Variants in SLC38A8 observed in about 807,000 individuals in gnomAD.
SLC38A8 encodes the protein solute carrier family 38 member 8, also known as amino acid transporter SLC38A8.
In SLC38A8, 65 loss-of-function variants were observed where a neutral mutation model predicts 46.0. The observed-to-expected ratio is 1.41, with a 90% CI of 1.16 to 1.74. SLC38A8 has a LOEUF of 1.74. Ranked by LOEUF, SLC38A8 falls within the 40% of genes most tolerant of loss-of-function variation. SLC38A8 has a pLI of 0.00. For synonymous variants in SLC38A8, 447 were observed against 243.7 expected (o/e 1.83, Z -7.77); for missense variants, 998 against 567.9 (o/e 1.76, Z -7.70).
At chr16:84,025,881 T>A (rs78382568) in intron 6 of SLC38A8, among the ~76,000 whole-genome samples, 18,627 of 152,250 alleles carry the variant, frequency 0.12, 1,234 homozygotes, top group East Asian at 0.19. Context: ...AGGTTTCCTG[T>A]CCTACAGGAG....
chr16:84,031,666 C>T (rs1313179622), intron 5 of SLC38A8, among the ~76,000 whole-genome samples: 9 of 152,214 alleles, frequency 5.9e-5, no homozygotes, highest in East Asian at 1.9e-4. Context: ...TCCCGGTCAT[C>T]GCTAGCCACG....
At chr16:84,021,910 A>C (rs28533213) in intron 7 of SLC38A8, among the ~76,000 whole-genome samples, 31,267 of 152,154 alleles carry the variant, frequency 0.21, 5,495 homozygotes, top group African/African-American at 0.48. Flanking sequence ...GTCACATGGC[A>C]AGGGGGCTGA....
In SLC38A8 at chr16:84,036,706, C is replaced by T; in HGVS notation, c.384G>A (p.Glu128=). The change falls in exon 3 of 11, where the codon GAG becomes GAA. Residue 128 remains glutamate (E), a synonymous_variant. Coordinates refer to ENST00000299709, the MANE Select transcript of SLC38A8 (RefSeq NM_001080442.3). ...AFLRVIGDQL[E]KLCDSLLSGT... ...GAGTCCCATGAAGGTACTTACGCTT[C>T]TCCAGCTGGTCCCCGATCACCCTGA... 6.2e-7 allele frequency: 1 copy of T among 1,614,150 alleles called. No homozygotes were observed. Among genetic ancestry groups the T allele is most frequent in the Non-Finnish European group, 8.5e-7 (1 of 1,180,030 alleles).
chr16:84,028,372 G>C (rs1421779795), intron 6 of SLC38A8, among the ~76,000 whole-genome samples: 1 of 151,960 alleles, frequency 6.6e-6, no homozygotes, highest in African/African-American at 2.4e-5. Context: ...CTTGACGTCA[G>C]GAGTTCAAGA....
At chr16:84,041,832 G>C in intron 2 of SLC38A8, 137 bp downstream of exon 2, 1 of 776,708 alleles carries the variant, frequency 1.3e-6, no homozygotes, top group Non-Finnish European at 2.0e-6. Flanking sequence ...CTCATTAGCT[G>C]AGCGGGATAG....
chr16:84,026,937 C>T (rs1242241329), intron 6 of SLC38A8, among the ~76,000 whole-genome samples: 1 of 152,146 alleles, frequency 6.6e-6, no homozygotes, highest in African/African-American at 2.4e-5. Context: ...CAGAAAGGTT[C>T]TCAATTGACT....
At chr16:84,041,105 A>AG (rs1418993808) in intron 2 of SLC38A8, 2 of 152,282 alleles carry the variant, frequency 1.3e-5, no homozygotes, top group African/African-American at 4.8e-5. Context: ...CCAGCGGCAA[A>AG]GGATCTTAGA....
intron 6 of SLC38A8, 34 bp from the exon 7 acceptor site, chr16:84,022,923 G>C: frequency 1.3e-6 from 2 of 1,498,650 alleles, no homozygotes; most frequent in Non-Finnish European, 9.0e-7. Flanking sequence ...CAGGATGCTG[G>C]CTTCCCCTGG....
At chr16:84,014,306 T>A (rs992033435) in intron 9 of SLC38A8, among the ~76,000 whole-genome samples, 4 of 126,204 alleles carry the variant, frequency 3.2e-5, no homozygotes, top group African/African-American at 1.2e-4. Context: ...ACAGCCTGAA[T>A]AAGGAGCTGC....
chr16:84,024,439 T>G (rs371404786), intron 6 of SLC38A8, among the ~76,000 whole-genome samples: 1 of 151,662 alleles, frequency 6.6e-6, no homozygotes, highest in African/African-American at 2.4e-5. Context: ...TTGGCCTCCC[T>G]AAGTGCTGAG....
intron 2 of SLC38A8, among the ~76,000 whole-genome samples, chr16:84,039,139 A>C (rs1234775729): frequency 6.6e-6 from 1 of 152,142 alleles, no homozygotes; most frequent in Non-Finnish European, 1.5e-5. Flanking sequence ...TAAACCCAAG[A>C]AGCACCTGGA....
At chr16:84,016,957 G>A (rs1215679178) in intron 8 of SLC38A8, among the ~76,000 whole-genome samples, 183 bp downstream of exon 8, 1 of 152,184 alleles carries the variant, frequency 6.6e-6, no homozygotes, top group Non-Finnish European at 1.5e-5. Context: ...TCCTGGCTGT[G>A]GACACACACT....
Position 84,036,757 on chromosome 16 carries a change from G to T in SLC38A8, c.333C>A (p.Asn111Lys). The part of the protein sequence containing the change: ...GKLCEACFLL[N>K]LLMISVAFLR... ...GGAAGGCCACGGAGATCATGAGCAG[G>T]TTGAGGAGGAAGCAGGCCTCACACA... Residue 111 changes from asparagine to lysine, a missense_variant, in exon 3 of 11, where the codon AAC becomes AAA. Physicochemically the swap from Asn to Lys is moderately conservative, Grantham distance 94. Transcript: ENST00000299709. 1 of 1,614,218 alleles carries T rather than the reference G, an allele frequency of 6.2e-7. No individual in the cohort carries two copies.
At chr16:84,027,287 C>A (rs1597265734) in intron 6 of SLC38A8, among the ~76,000 whole-genome samples, 1 of 152,100 alleles carries the variant, frequency 6.6e-6, no homozygotes, top group Non-Finnish European at 1.5e-5. Context: ...GAGGCGGAGG[C>A]TGCAGTGAGC....
At chr16:84,019,414 G>C (rs112610946) in intron 7 of SLC38A8, among the ~76,000 whole-genome samples, 5 of 152,204 alleles carry the variant, frequency 3.3e-5, no homozygotes, top group African/African-American at 7.2e-5. Flanking sequence ...TACCAATTTG[G>C]CATACTGGCA....
intron 6 of SLC38A8, among the ~76,000 whole-genome samples, chr16:84,023,299 A>G (rs1597260248): frequency 6.6e-6 from 1 of 152,244 alleles, no homozygotes; most frequent in Middle Eastern, 3.4e-3. Context: ...CAATGGGAAA[A>G]GGGTACAGGA....
intron 6 of SLC38A8, among the ~76,000 whole-genome samples, chr16:84,026,374 G>A (rs995025423): frequency 1.3e-5 from 2 of 152,152 alleles, no homozygotes; most frequent in East Asian, 1.9e-4. Flanking sequence ...TTACAGGCCC[G>A]CACCGCCATG....
chr16:84,036,801 C>T lies in SLC38A8; in HGVS notation c.289G>A (p.Gly97Ser). 1.2e-6 allele frequency: 2 copies of T among 1,614,146 alleles called. No homozygotes were observed. The highest frequency in any genetic ancestry group is 1.7e-6 in the Non-Finnish European group (2 of 1,180,020). The change falls in exon 3 of 11, where the codon GGC (glycine) becomes AGC (serine). Residue 97 changes from glycine (G) to serine (S), a missense_variant. Physicochemically the swap from Gly to Ser is moderately conservative, Grantham distance 56 (BLOSUM62 0). Coordinates refer to ENST00000299709, the MANE Select transcript of SLC38A8 (RefSeq NM_001080442.3). ...TCACACAGCTTCCCAATGGCAGGGCCACACAGCCCCCTGACCACACCCTGG... is the reference window on the plus strand; with the variant it reads ...TCACACAGCTTCCCAATGGCAGGGCTACACAGCCCCCTGACCACACCCTGG... Reference protein sequence around the residue: ...TYQGVVRGLCGPAIGKLCEAC... With the variant: ...TYQGVVRGLCSPAIGKLCEAC...
chr16:84,014,706 C>G (rs1454097614), intron 9 of SLC38A8, among the ~76,000 whole-genome samples: 1 of 152,222 alleles, frequency 6.6e-6, no homozygotes, highest in Non-Finnish European at 1.5e-5. Context: ...TCCCAGTAGA[C>G]CCCAATTTAC....
Sources: gnomAD v4.1 joint callset for allele counts (sites outside exome capture counted in the v4.1 genomes callset) on GRCh38, gnomAD v4.1.1 for gene constraint, MANE v1.5 for transcripts, NCBI Gene and HGNC (gene_info 2026-07-23, HGNC 2026-07-21) for gene names.